PCDHA1: variants seen among roughly 807,000 people sequenced by gnomAD.
PCDHA1 encodes protocadherin alpha 1.
In PCDHA1, 42 loss-of-function variants were observed where a neutral mutation model predicts 61.3. That is an observed-to-expected ratio of 0.69 (90% CI 0.54 to 0.89). The LOEUF (loss-of-function observed/expected upper bound fraction) is 0.89, where lower values mean the gene tolerates loss of function less well. Among genes scored for constraint, PCDHA1 ranks in the 40% least tolerant of loss-of-function variants. The pLI is 0.00. For missense variants in PCDHA1, 1,256 were observed against 1,235.3 expected, an observed-to-expected ratio of 1.02 and a Z score of -0.25; for synonymous variants, 610 against 553.8, an observed-to-expected ratio of 1.10 and a Z score of -1.43.
chr5:140,879,955 A>G (rs1554171094), intron 1 of PCDHA1, among the ~76,000 whole-genome samples: 1 of 152,206 alleles, frequency 6.6e-6, no homozygotes, highest in Non-Finnish European at 1.5e-5. Context: ...GCCCATCTGG[A>G]TAATCCAGGA....
intron 1 of PCDHA1, among the ~76,000 whole-genome samples, chr5:140,806,180 G>T (rs112781141): frequency 1.3e-5 from 2 of 152,266 alleles, no homozygotes; most frequent in African/African-American, 4.8e-5. Flanking sequence ...GGCTTTAGAA[G>T]AGTTTAGAAA....
In PCDHA1 at chr5:140,836,669, G is replaced by A. The variant is rs142732506; in HGVS notation, c.2394+47985G>A. ...GGCGGCAGAGGGTGTGCTCTGGGGA[G>A]GGCCCACCCAAGACAGACCTCATGG... On this transcript the variant is annotated intron_variant, in intron 1 of 3. Coordinates refer to ENST00000504120, the MANE Select transcript of PCDHA1 (RefSeq NM_018900.4). The A allele has an allele frequency of 2.5e-6, 4 of 1,613,470 alleles. No homozygotes were observed. In the East Asian group the frequency reaches 8.9e-5, roughly 36 times the overall value.
chr5:140,797,284 C>G (rs1218080723), intron 1 of PCDHA1: 1 of 1,614,100 alleles, frequency 6.2e-7, no homozygotes, highest in Non-Finnish European at 8.5e-7. Context: ...GGCCTTCAGC[C>G]CTAGCTTATC....
At chr5:140,997,291 G>C (rs2097766119) in intron 3 of PCDHA1, among the ~76,000 whole-genome samples, 1 of 152,030 alleles carries the variant, frequency 6.6e-6, no homozygotes, top group African/African-American at 2.4e-5. Flanking sequence ...TTAACAATGG[G>C]GATACACTGA....
chr5:140,882,731 G>C, intron 1 of PCDHA1: 1 of 1,614,232 alleles, frequency 6.2e-7, no homozygotes, highest in Non-Finnish European at 8.5e-7. Flanking sequence ...ATTTCCACTA[G>C]ATGGCGCATC....
At chr5:140,877,096 G>T in intron 1 of PCDHA1, 3 of 1,613,378 alleles carry the variant, frequency 1.9e-6, no homozygotes, top group Non-Finnish European at 2.5e-6. Context: ...CGACGCCGGC[G>T]TGCCGCCTCT....
At chr5:140,822,783 A>G (rs1177899352) in intron 1 of PCDHA1, 2 of 1,614,034 alleles carry the variant, frequency 1.2e-6, no homozygotes, top group African/African-American at 1.3e-5. Flanking sequence ...GTAAAGTAGT[A>G]GTGAAACTCC....
chr5:140,867,560 C>A (rs1352328708), intron 1 of PCDHA1: 1 of 152,070 alleles, frequency 6.6e-6, no homozygotes, highest in African/African-American at 2.4e-5. Context: ...CATATGATAA[C>A]TTTTTCATAT....
intron 3 of PCDHA1, among the ~76,000 whole-genome samples, chr5:140,994,425 G>A (rs769335292): frequency 5.3e-5 from 8 of 152,118 alleles, no homozygotes; most frequent in African/African-American, 1.7e-4. Context: ...TATTGAGGCC[G>A]GGCGCAGTGG....
intron 1 of PCDHA1, chr5:140,930,410 CAG>C (rs2086812971): frequency 6.7e-6 from 1 of 149,986 alleles, no homozygotes; most frequent in South Asian, 2.1e-4. Flanking sequence ...TTTTTTGAGA[CAG>C]GGGTCTCACT....
At chr5:140,942,541 G>C (rs1241528363) in intron 1 of PCDHA1, among the ~76,000 whole-genome samples, 1 of 152,056 alleles carries the variant, frequency 6.6e-6, no homozygotes, top group African/African-American at 2.4e-5. Context: ...CAGTATGGTG[G>C]GGGGTAGGGG....
chr5:140,878,047 G>A lies in PCDHA1; in HGVS notation c.2394+89363G>A, dbSNP rs574540860. On this transcript the variant is annotated intron_variant, in intron 1 of 3. Transcript: ENST00000504120. Reference sequence around the variant, plus strand: ...ATGTAGGTACAATGGAGGCCATGGAGCACCACACTTAATATTTTTCTTTTT... The same window carrying A: ...ATGTAGGTACAATGGAGGCCATGGAACACCACACTTAATATTTTTCTTTTT... The A allele has an allele frequency of 1.7e-4, 84 of 491,464 alleles. No homozygotes were observed. In the South Asian group the frequency reaches 4.9e-3, roughly 29 times the overall value. 30.4% of individuals were successfully genotyped at this position (491,464 alleles called of 1,614,324 possible).
At chr5:140,936,007 C>G (rs1338541274) in intron 1 of PCDHA1, among the ~76,000 whole-genome samples, 3 of 151,820 alleles carry the variant, frequency 2.0e-5, no homozygotes, top group African/African-American at 7.3e-5. Flanking sequence ...ATTCTCCCAC[C>G]TCAGCCTCCC....
At chr5:140,967,239 G>C in intron 1 of PCDHA1, 1 of 1,613,672 alleles carries the variant, frequency 6.2e-7, no homozygotes, top group Non-Finnish European at 8.5e-7. Flanking sequence ...CTTCAGGTAA[G>C]CGAATCGGTG....
intron 1 of PCDHA1, among the ~76,000 whole-genome samples, chr5:140,872,884 T>C (rs1057197501): frequency 2.6e-5 from 4 of 152,238 alleles, no homozygotes; most frequent in Non-Finnish European, 4.4e-5. Flanking sequence ...GTTTCATTCA[T>C]CTCACTTTGT....
Position 141,010,515 on chromosome 5 carries a change from CAA to C in PCDHA1, c.*579_*580del, listed in dbSNP as rs1554262971. ...ACCAGACTTTCTAAATCTTACAACTCAAGAGGTGGCAGCCACCCTCTAGGAGA... is the reference window on the plus strand; with the variant it reads ...ACCAGACTTTCTAAATCTTACAACTCGAGGTGGCAGCCACCCTCTAGGAGA... On this transcript the variant is annotated 3_prime_UTR_variant, in exon 4 of 4. Transcript: ENST00000504120. 4.1e-6 allele frequency: 2 copies of C among 483,800 alleles called. No individual in the cohort carries two copies. Among genetic ancestry groups the C allele is most frequent in the African/African-American group, 2.0e-5 (1 of 51,026 alleles). 30.0% of individuals were successfully genotyped at this position (483,800 alleles called of 1,614,324 possible).
At chr5:140,849,060 G>GT (rs1320977554) in intron 1 of PCDHA1, 2 of 1,548,996 alleles carry the variant, frequency 1.3e-6, no homozygotes, top group Non-Finnish European at 1.8e-6. Context: ...CAACCAGCAG[G>GT]TAAAACCTCT....
In PCDHA1 at chr5:140,886,016, A is replaced by G. The variant is rs192748955; in HGVS notation, c.2395-92933A>G. Among the ~76,000 whole-genome samples the G allele has an allele frequency of 3.1e-3, 468 of 152,290 alleles. 3 individuals are homozygous for G. Among genetic ancestry groups the G allele is most frequent in the Middle Eastern group, 0.014 (4 of 294 alleles). On this transcript the variant is annotated intron_variant, in intron 1 of 3. Transcript: ENST00000504120. ...GAAAGAAATAGTAAAGGGAGATGCTATGTATTCTTCACTAAGTTTTCCCCA... is the reference window on the plus strand; with the variant it reads ...GAAAGAAATAGTAAAGGGAGATGCTGTGTATTCTTCACTAAGTTTTCCCCA...
intron 1 of PCDHA1, among the ~76,000 whole-genome samples, chr5:140,896,714 T>C (rs1554187081): frequency 6.6e-6 from 1 of 152,180 alleles, no homozygotes; most frequent in African/African-American, 2.4e-5. Flanking sequence ...TGTTTTTTGC[T>C]TGTTAATTTG....
Sources: allele counts gnomAD v4.1 joint callset (sites outside exome capture counted in the v4.1 genomes callset), GRCh38; gene constraint gnomAD v4.1.1; transcripts MANE v1.5; gene names NCBI Gene and HGNC (gene_info 2026-07-23, HGNC 2026-07-21).